Variants in DCC observed in about 807,000 individuals in gnomAD.
The protein encoded by DCC is DCC netrin 1 receptor.
Under a neutral mutation model 172.5 loss-of-function variants are expected in DCC, and 58 were observed. The observed-to-expected ratio is 0.34, with a 90% CI of 0.27 to 0.42. DCC has a LOEUF of 0.42. Ranked by LOEUF, DCC falls within the 10% of genes least tolerant of loss-of-function variation. The probability of loss-of-function intolerance (pLI) is 1.00; values close to 1 mark genes in which losing one functional copy is unlikely to be tolerated. For synonymous variants in DCC, 709 were observed against 644.5 expected (o/e 1.10, Z -1.52); for missense variants, 1,740 against 1,791.0 (o/e 0.97, Z 0.51).
Position 52,651,878 on chromosome 18 carries a change from A to G in DCC, c.92-100176A>G, listed in dbSNP as rs1380606589. Among the ~76,000 whole-genome samples, 3 of 152,278 alleles carry G rather than the reference A, an allele frequency of 2.0e-5. No individual in the cohort carries two copies. In the East Asian group the frequency reaches 5.8e-4, roughly 29 times the overall value. ...GGACTGATAAGAGGGGAAGAAATTA[A>G]CTGGTTTAGAATTTGCAGAACATAA... On this transcript the variant is annotated intron_variant, in intron 1 of 28. Coordinates refer to ENST00000442544, the MANE Select transcript of DCC (RefSeq NM_005215.4).
chr18:52,942,409 CTG>C (rs1272926047), intron 5 of DCC, among the ~76,000 whole-genome samples: 1 of 152,008 alleles, frequency 6.6e-6, no homozygotes, highest in Non-Finnish European at 1.5e-5. Context: ...TATGGAAAGA[CTG>C]TTTTAGGTGT....
chr18:52,897,948 TA>T (rs2145432967), intron 2 of DCC, among the ~76,000 whole-genome samples: 1 of 152,360 alleles, frequency 6.6e-6, no homozygotes, highest in Admixed American at 6.5e-5. Context: ...GCATATCTTT[TA>T]TTGGCCTTCT....
chr18:53,167,187 TA>T (rs1479141907), intron 8 of DCC, among the ~76,000 whole-genome samples: 2 of 152,206 alleles, frequency 1.3e-5, no homozygotes, highest in African/African-American at 4.8e-5. Flanking sequence ...AACTAAATGT[TA>T]ACACTCTGAG....
At chr18:53,227,623 A>G (rs1299305422) in intron 12 of DCC, among the ~76,000 whole-genome samples, 1 of 152,224 alleles carries the variant, frequency 6.6e-6, no homozygotes, top group Non-Finnish European at 1.5e-5. Flanking sequence ...AGTAGGAAAA[A>G]GAAAGTATTA....
chr18:53,416,063 T>A (rs983304602), intron 20 of DCC, 61 bp from the exon 21 acceptor site: 1 of 1,246,348 alleles, frequency 8.0e-7, no homozygotes, highest in African/African-American at 1.5e-5. Flanking sequence ...TGGTTTGATA[T>A]GTCAGCTTTC....
intron 1 of DCC, among the ~76,000 whole-genome samples, chr18:52,500,546 G>T (rs974475442): frequency 1.3e-5 from 2 of 152,102 alleles, no homozygotes; most frequent in Non-Finnish European, 2.9e-5. Flanking sequence ...TTATTTTGGC[G>T]CTAATAAGTA....
chr18:52,556,462 A>G (rs1033475580), intron 1 of DCC, among the ~76,000 whole-genome samples: 11 of 152,140 alleles, frequency 7.2e-5, no homozygotes, highest in African/African-American at 2.7e-4. Flanking sequence ...CAAACTTGGT[A>G]AATAGATGGA....
At chr18:53,276,443 AT>A (rs1334140198) in intron 12 of DCC, among the ~76,000 whole-genome samples, 2 of 152,176 alleles carry the variant, frequency 1.3e-5, no homozygotes, top group Non-Finnish European at 2.9e-5. Context: ...ATTGGAGTCA[AT>A]AAACATAATC....
At chr18:52,858,911 G>T (rs72922207) in intron 2 of DCC, among the ~76,000 whole-genome samples, 11,914 of 152,220 alleles carry the variant, frequency 0.078, 824 homozygotes, top group East Asian at 0.3. Context: ...CATGATTAAA[G>T]TTCCATTCTC....
At chr18:53,402,296 G>A (rs1343969170) in intron 18 of DCC, among the ~76,000 whole-genome samples, 1 of 151,916 alleles carries the variant, frequency 6.6e-6, no homozygotes, top group Non-Finnish European at 1.5e-5. Context: ...AGGCTGAGAT[G>A]GGAGGATCAC....
chr18:52,393,078 T>C (rs2144353924), intron 1 of DCC, among the ~76,000 whole-genome samples: 1 of 152,200 alleles, frequency 6.6e-6, no homozygotes, highest in South Asian at 2.1e-4. Context: ...CTTTGGAATG[T>C]CCATCAGGGC....
chr18:53,154,228 C>T (rs552065161), intron 7 of DCC, among the ~76,000 whole-genome samples: 2 of 152,094 alleles, frequency 1.3e-5, no homozygotes, highest in Non-Finnish European at 1.5e-5. Flanking sequence ...TTTGCCCTTC[C>T]GTTTCCCACA....
At chr18:52,770,086 G>A (rs2037315703) in intron 2 of DCC, among the ~76,000 whole-genome samples, 1 of 152,264 alleles carries the variant, frequency 6.6e-6, no homozygotes, top group East Asian at 1.9e-4. Context: ...ACTGCTTTTA[G>A]GATCAAATAT....
intron 1 of DCC, among the ~76,000 whole-genome samples, chr18:52,464,658 CA>C (rs1988731269): frequency 1.3e-5 from 2 of 152,156 alleles, no homozygotes. Flanking sequence ...ACTTTGAATG[CA>C]AAACATTCCT....
At chr18:52,753,340 A>G (rs2037029221) in intron 2 of DCC, among the ~76,000 whole-genome samples, 1 of 152,234 alleles carries the variant, frequency 6.6e-6, no homozygotes, top group South Asian at 2.1e-4. Context: ...CTTAGAAAAC[A>G]GTCATAGGAC....
intron 1 of DCC, among the ~76,000 whole-genome samples, chr18:52,732,429 C>T (rs12956545): frequency 0.15 from 23,504 of 152,122 alleles, 2,072 homozygotes; most frequent in African/African-American, 0.23. Flanking sequence ...AAGATATTCA[C>T]AACTATTATT....
rs757732445 is a variant in DCC at position 53,435,129 on chromosome 18, T to A, written c.3164-15T>A. The A allele has an allele frequency of 6.3e-7, 1 of 1,596,024 alleles. No homozygotes were observed. Among genetic ancestry groups the A allele is most frequent in the African/African-American group, 1.3e-5 (1 of 74,582 alleles). ...CATTTGTACTGACATTGTGACATGC[T>A]CTCCCAATGAACAGGTCGTCATGGA... On this transcript the variant is annotated splice_polypyrimidine_tract_variant and intron_variant, in intron 21 of 28. Coordinates refer to ENST00000442544, the MANE Select transcript of DCC (RefSeq NM_005215.4).
chr18:53,167,193 T>C (rs1951674428), intron 8 of DCC, among the ~76,000 whole-genome samples: 1 of 152,184 alleles, frequency 6.6e-6, no homozygotes, highest in Non-Finnish European at 1.5e-5. Context: ...ATGTTAACAC[T>C]CTGAGGCACT....
chr18:52,493,804 G>T (rs992917666), intron 1 of DCC, among the ~76,000 whole-genome samples: 1 of 151,972 alleles, frequency 6.6e-6, no homozygotes, highest in African/African-American at 2.4e-5. Flanking sequence ...AGTAATGGTA[G>T]AATCTGAGAA....
Sources: gnomAD v4.1 joint callset for allele counts (sites outside exome capture counted in the v4.1 genomes callset) on GRCh38, gnomAD v4.1.1 for gene constraint, MANE v1.5 for transcripts, NCBI Gene and HGNC (gene_info 2026-07-23, HGNC 2026-07-21) for gene names.